Variants in CDH13 observed in about 807,000 individuals in gnomAD.
CDH13 encodes the protein cadherin-13.
A neutral mutation model predicts 63.8 loss-of-function variants in CDH13; 24 were observed. The ratio of observed to expected loss-of-function variants is 0.38; its 90% CI spans 0.27 to 0.53. The LOEUF (loss-of-function observed/expected upper bound fraction) is 0.53. Among genes scored for constraint, CDH13 ranks in the 20% least tolerant of loss-of-function variants. CDH13 has a pLI of 0.85. For synonymous variants in CDH13, 503 were observed against 355.3 expected (o/e 1.42, Z -4.67); for missense variants, 1,049 against 903.1 (o/e 1.16, Z -2.07).
At chr16:83,472,618 C>G (rs1375700978) in intron 6 of CDH13, among the ~76,000 whole-genome samples, 1 of 152,148 alleles carries the variant, frequency 6.6e-6, no homozygotes, top group African/African-American at 2.4e-5. Flanking sequence ...GAGCAGGTGC[C>G]TTTGGTCTCT....
chr16:82,931,691 T>C (rs1230286794), intron 2 of CDH13, among the ~76,000 whole-genome samples: 3 of 152,158 alleles, frequency 2.0e-5, no homozygotes, highest in South Asian at 2.1e-4. Context: ...GGCAAAGGCA[T>C]GACTTACATG....
At chr16:83,167,245 C>T (rs965055149) in intron 4 of CDH13, among the ~76,000 whole-genome samples, 1 of 151,368 alleles carries the variant, frequency 6.6e-6, no homozygotes. Flanking sequence ...GCCTGTAATC[C>T]CAGAACTTTG....
At chr16:82,651,022 G>A (rs750812624) in intron 1 of CDH13, among the ~76,000 whole-genome samples, 1 of 152,118 alleles carries the variant, frequency 6.6e-6, no homozygotes, top group Non-Finnish European at 1.5e-5. Context: ...TGGTTTTTGG[G>A]GGAGAAAACG....
At position 83,272,118 on chromosome 16, in the gene CDH13, A is replaced by G. The variant is rs549677831; in HGVS notation, c.636+54621A>G. 5.3e-4 allele frequency among the ~76,000 whole-genome samples: 81 copies of G among 152,306 alleles called. 1 individual carries two copies. Among genetic ancestry groups the G allele is most frequent in the African/African-American group, 1.9e-3 (78 of 41,576 alleles). Reference sequence around the variant, plus strand: ...TTGTTTGTTTATTCCACAAAAATTTATGGAGTACCTCTCTCAGTCCTCACC... The same window carrying G: ...TTGTTTGTTTATTCCACAAAAATTTGTGGAGTACCTCTCTCAGTCCTCACC... On this transcript the variant is annotated intron_variant, in intron 5 of 13. Coordinates refer to ENST00000567109, the MANE Select transcript of CDH13 (RefSeq NM_001257.5).
At chr16:83,162,047 G>A (rs1297749609) in intron 4 of CDH13, among the ~76,000 whole-genome samples, 1 of 152,106 alleles carries the variant, frequency 6.6e-6, no homozygotes, top group East Asian at 1.9e-4. Context: ...TTTGTTTGGG[G>A]GTTAGGCCCA....
intron 5 of CDH13, among the ~76,000 whole-genome samples, chr16:83,299,731 C>T (rs1020957087): frequency 2.6e-5 from 4 of 152,218 alleles, no homozygotes; most frequent in Non-Finnish European, 4.4e-5. Flanking sequence ...GTTGTTATTA[C>T]TGCAATCTCA....
chr16:83,582,472 CAT>C (rs888782278), intron 7 of CDH13, among the ~76,000 whole-genome samples: 79 of 152,182 alleles, frequency 5.2e-4, no homozygotes, highest in African/African-American at 1.6e-3. Flanking sequence ...GCAAATCACA[CAT>C]GTTTCTAGTA....
At chr16:82,956,215 A>G (rs1194344310) in intron 2 of CDH13, among the ~76,000 whole-genome samples, 1 of 149,760 alleles carries the variant, frequency 6.7e-6, no homozygotes, top group East Asian at 2.0e-4. Context: ...TCTCTCACCT[A>G]CCCTCTAGTC....
At chr16:82,749,112 CAG>C (rs1300483091) in intron 1 of CDH13, among the ~76,000 whole-genome samples, 1 of 151,172 alleles carries the variant, frequency 6.6e-6, no homozygotes, top group Non-Finnish European at 1.5e-5. Flanking sequence ...CAAATGGACA[CAG>C]TGAGTTGGAT....
intron 6 of CDH13, among the ~76,000 whole-genome samples, chr16:83,358,827 C>T (rs1400067717): frequency 2.0e-5 from 3 of 152,088 alleles, no homozygotes; most frequent in African/African-American, 7.2e-5. Context: ...GCCTCTTTGA[C>T]ATTAGACATT....
chr16:82,687,470 G>T (rs1278528998), intron 1 of CDH13, among the ~76,000 whole-genome samples: 2 of 152,140 alleles, frequency 1.3e-5, no homozygotes, highest in African/African-American at 4.8e-5. Context: ...CATGGCTGGG[G>T]AGGCCTCACA....
At chr16:83,428,796 T>C (rs1391253936) in intron 6 of CDH13, among the ~76,000 whole-genome samples, 1 of 152,250 alleles carries the variant, frequency 6.6e-6, no homozygotes, top group Non-Finnish European at 1.5e-5. Context: ...ATCTATTTGG[T>C]GCGTGAATTC....
chr16:83,190,588 T>C (rs2151754293), intron 4 of CDH13, among the ~76,000 whole-genome samples: 1 of 152,320 alleles, frequency 6.6e-6, no homozygotes, highest in South Asian at 2.1e-4. Context: ...TCACAAATGC[T>C]GTTCATTAGG....
At chr16:83,732,542 G>A (rs746191760) in intron 10 of CDH13, among the ~76,000 whole-genome samples, 4 of 152,132 alleles carry the variant, frequency 2.6e-5, no homozygotes, top group East Asian at 1.9e-4. Context: ...TAGAGGACCC[G>A]GAAACTGTAG....
chr16:83,602,662 C>G (rs982222508), intron 8 of CDH13, 68 bp downstream of exon 8: 1 of 1,493,194 alleles, frequency 6.7e-7, no homozygotes, highest in African/African-American at 1.4e-5. Context: ...GATGTTAATT[C>G]ACGTACCACA....
At chr16:83,376,914 C>T (rs1003851899) in intron 6 of CDH13, among the ~76,000 whole-genome samples, 1 of 152,104 alleles carries the variant, frequency 6.6e-6, no homozygotes, top group African/African-American at 2.4e-5. Context: ...GAAGCCAGCA[C>T]CACATAAGAA....
chr16:82,908,913 A>T (rs898282036), intron 2 of CDH13, among the ~76,000 whole-genome samples: 1 of 152,200 alleles, frequency 6.6e-6, no homozygotes, highest in African/African-American at 2.4e-5. Context: ...TATTCATAAG[A>T]TATAAAACCT....
intron 5 of CDH13, among the ~76,000 whole-genome samples, chr16:83,293,454 T>A (rs1597682374): frequency 6.6e-6 from 1 of 152,116 alleles, no homozygotes; most frequent in African/African-American, 2.4e-5. Context: ...CTGGGAAAGG[T>A]CAATTGTTTT....
At chr16:83,557,233 T>C (rs1025581611) in intron 7 of CDH13, among the ~76,000 whole-genome samples, 2 of 152,180 alleles carry the variant, frequency 1.3e-5, no homozygotes, top group African/African-American at 4.8e-5. Flanking sequence ...CACCCCCAGA[T>C]GAGACCATCT....
Sources: gnomAD v4.1 joint callset for allele counts (sites outside exome capture counted in the v4.1 genomes callset) on GRCh38, gnomAD v4.1.1 for gene constraint, MANE v1.5 for transcripts, NCBI Gene and HGNC (gene_info 2026-07-23, HGNC 2026-07-21) for gene names.